CATSPER3: variants seen among roughly 807,000 people sequenced by gnomAD.
CATSPER3 encodes the protein cation channel sperm-associated protein 3.
A neutral mutation model predicts 36.6 loss-of-function variants in CATSPER3; 23 were observed. The ratio of observed to expected loss-of-function variants is 0.63; its 90% CI spans 0.45 to 0.89. The LOEUF (loss-of-function observed/expected upper bound fraction) is 0.89. Among genes scored for constraint, CATSPER3 ranks in the 40% least tolerant of loss-of-function variants. CATSPER3 has a pLI of 0.00. For synonymous variants in CATSPER3, 172 were observed against 184.1 expected, an observed-to-expected ratio of 0.93 and a Z score of 0.53; for missense variants, 474 against 503.9, an observed-to-expected ratio of 0.94 and a Z score of 0.57.
chr5:135,009,120 T>C, intron 5 of CATSPER3, 139 bp downstream of exon 5: 1 of 1,203,762 alleles, frequency 8.3e-7, no homozygotes, highest in South Asian at 1.2e-5. Flanking sequence ...GATGGACCTG[T>C]CCCTCACCCG....
intron 2 of CATSPER3, among the ~76,000 whole-genome samples, chr5:134,976,352 C>T (rs1323282677): frequency 2.6e-5 from 4 of 151,742 alleles, no homozygotes; most frequent in Admixed American, 1.3e-4. Context: ...CACCCCACCC[C>T]ACCCCCAAAA....
chr5:134,980,252 G>A (rs1368867077), intron 2 of CATSPER3, among the ~76,000 whole-genome samples: 2 of 151,268 alleles, frequency 1.3e-5, no homozygotes, highest in Admixed American at 6.6e-5. Flanking sequence ...GAAGCACTGG[G>A]GTTACAGGCA....
At chr5:134,999,747 C>T (rs1227534552) in intron 3 of CATSPER3, among the ~76,000 whole-genome samples, 1 of 152,148 alleles carries the variant, frequency 6.6e-6, no homozygotes, top group Non-Finnish European at 1.5e-5. Context: ...GTGATTTTTG[C>T]ACATTGATTT....
At chr5:135,002,749 T>C (rs1386735238) in intron 3 of CATSPER3, among the ~76,000 whole-genome samples, 2 of 152,248 alleles carry the variant, frequency 1.3e-5, no homozygotes, top group African/African-American at 4.8e-5. Flanking sequence ...TTGAATCGGC[T>C]ACTGAAGCTT....
At position 134,994,198 on chromosome 5, in the gene CATSPER3, A is replaced by G. The variant is rs1391577650; in HGVS notation, c.253-2075A>G. On this transcript the variant is annotated intron_variant, in intron 2 of 7. Transcript: ENST00000282611. ...GGAGAAGATATTTGTAACACATATA[A>G]CAGGCAAAGCATTAGGATTCAAAAT... Among the ~76,000 whole-genome samples the G allele has an allele frequency of 2.0e-5, 3 of 152,250 alleles. No individual in the cohort carries two copies. The South Asian group carries it at 6.2e-4, about 32-fold the overall frequency.
intron 2 of CATSPER3, among the ~76,000 whole-genome samples, chr5:134,994,166 C>T (rs189747744): frequency 3.4e-4 from 51 of 152,168 alleles, no homozygotes; most frequent in South Asian, 4.1e-4. Flanking sequence ...TGTGATAAGT[C>T]GGTGTGGGAG....
At chr5:134,998,489 C>T (rs1265319668) in intron 3 of CATSPER3, among the ~76,000 whole-genome samples, 6 of 152,160 alleles carry the variant, frequency 3.9e-5, no homozygotes, top group African/African-American at 1.2e-4. Context: ...CTTGAGGAAT[C>T]GCCACACTGT....
intron 2 of CATSPER3, among the ~76,000 whole-genome samples, chr5:134,996,009 A>C (rs963224692): frequency 1.3e-4 from 20 of 152,248 alleles, no homozygotes; most frequent in Non-Finnish European, 1.5e-5. Context: ...GAGCTTATAC[A>C]GTCATTCTGT....
chr5:135,002,440 C>G (rs922076135), intron 3 of CATSPER3, among the ~76,000 whole-genome samples: 2 of 152,104 alleles, frequency 1.3e-5, no homozygotes, highest in African/African-American at 4.8e-5. Context: ...AATTATGAGT[C>G]TTGGAGTTGC....
chr5:134,989,165 G>A (rs1327726019), intron 2 of CATSPER3, among the ~76,000 whole-genome samples: 1 of 152,138 alleles, frequency 6.6e-6, no homozygotes, highest in Non-Finnish European at 1.5e-5. Context: ...CCGATATGCT[G>A]TCATCCGGGC....
chr5:134,978,427 AATT>A (rs1347149465), intron 2 of CATSPER3, among the ~76,000 whole-genome samples: 1 of 152,178 alleles, frequency 6.6e-6, no homozygotes, highest in African/African-American at 2.4e-5. Flanking sequence ...AAATACATAC[AATT>A]ATTATATGTC....
chr5:134,968,056 C>G lies in CATSPER3; in HGVS notation c.65C>G (p.Ser22Trp). Reference sequence around the variant, plus strand: ...TCTAGTTCACCAGTTGACACTACATCGGTGGGATTTTGCCCAACATTCAAG... The same window carrying G: ...TCTAGTTCACCAGTTGACACTACATGGGTGGGATTTTGCCCAACATTCAAG... The part of the protein sequence containing the change: ...VISSSPVDTT[S>W]VGFCPTFKKF... Residue 22 changes from serine (S) to tryptophan (W), a missense_variant, in exon 1 of 8, where the codon TCG (serine) becomes TGG (tryptophan). By Grantham distance (177) the Ser-to-Trp change is radical. Coordinates refer to ENST00000282611, the MANE Select transcript of CATSPER3 (RefSeq NM_178019.3). 1 of 1,613,608 alleles carries G rather than the reference C, an allele frequency of 6.2e-7. No homozygotes were observed. Among genetic ancestry groups the G allele is most frequent in the South Asian group, 1.1e-5 (1 of 91,060 alleles).
Position 134,988,891 on chromosome 5 carries a change from C to T in CATSPER3, c.253-7382C>T, listed in dbSNP as rs77399497. On this transcript the variant is annotated intron_variant, in intron 2 of 7. Coordinates refer to ENST00000282611, the MANE Select transcript of CATSPER3 (RefSeq NM_178019.3). ...TCAATTTACTTTACCCAGACCCATC[C>T]GAAGAATCACTATGTCAGCTATAGC... Among the ~76,000 whole-genome samples the T allele has an allele frequency of 7.7e-3, 1,169 of 151,982 alleles. 16 individuals are homozygous for T. Among genetic ancestry groups the T allele is most frequent in the East Asian group, 0.037 (190 of 5,190 alleles).
intron 5 of CATSPER3, 52 bp from the exon 6 acceptor site, chr5:135,009,319 T>C: frequency 3.1e-6 from 5 of 1,595,314 alleles, no homozygotes; most frequent in Non-Finnish European, 3.4e-6. Context: ...AAAGACTGGG[T>C]CTGGGCATGT....
chr5:134,997,423 C>T (rs1205305094), intron 3 of CATSPER3, among the ~76,000 whole-genome samples: 1 of 152,234 alleles, frequency 6.6e-6, no homozygotes, highest in East Asian at 1.9e-4. Flanking sequence ...AGCCCTCCCT[C>T]TCCTTCTCTT....
intron 3 of CATSPER3, among the ~76,000 whole-genome samples, chr5:135,002,864 T>A (rs1752039453): frequency 4.6e-5 from 7 of 152,226 alleles, no homozygotes. Flanking sequence ...CTAATCTTTT[T>A]TCAAGGTTTT....
At chr5:135,000,987 T>C (rs1269890509) in intron 3 of CATSPER3, among the ~76,000 whole-genome samples, 1 of 152,182 alleles carries the variant, frequency 6.6e-6, no homozygotes, top group South Asian at 2.1e-4. Flanking sequence ...TGTTTGCTCT[T>C]GCTTCTCTAG....
chr5:135,006,213 C>A (rs1752084222), intron 3 of CATSPER3, among the ~76,000 whole-genome samples: 1 of 152,198 alleles, frequency 6.6e-6, no homozygotes, highest in Non-Finnish European at 1.5e-5. Flanking sequence ...GCTTAAAGAA[C>A]TTGGCCAACT....
intron 2 of CATSPER3, among the ~76,000 whole-genome samples, chr5:134,970,879 T>A (rs1751596991): frequency 6.6e-6 from 1 of 152,144 alleles, no homozygotes; most frequent in South Asian, 2.1e-4. Context: ...GCCAGTGACA[T>A]GGTTTTTAAG....
Sources: gnomAD v4.1 joint callset for allele counts (sites outside exome capture counted in the v4.1 genomes callset) on GRCh38, gnomAD v4.1.1 for gene constraint, MANE v1.5 for transcripts, NCBI Gene and HGNC (gene_info 2026-07-23, HGNC 2026-07-21) for gene names.